The following SPG11 variants were observed in gnomAD, a reference collection of about 807,000 sequenced individuals.
SPG11 encodes spatacsin.
In SPG11, 222 loss-of-function variants were observed where a neutral mutation model predicts 274.0. The ratio of observed to expected loss-of-function variants is 0.81; its 90% CI spans 0.73 to 0.91. SPG11 has a LOEUF of 0.91. Among genes scored for constraint, SPG11 ranks in the 40% least tolerant of loss-of-function variants. SPG11 has a pLI of 0.00. For synonymous variants in SPG11, 1,144 were observed against 1,039.7 expected (o/e 1.10, Z -1.93); for missense variants, 3,114 against 2,872.7 (o/e 1.08, Z -1.92).
intron 6 of SPG11, 42 bp downstream of exon 6, chr15:44,651,449 C>T (rs1034095343): frequency 2.6e-6 from 4 of 1,550,714 alleles, no homozygotes; most frequent in Non-Finnish European, 2.7e-6. Context: ...GGAAAGCATA[C>T]ATCTCAGCAA....
At position 44,585,534 on chromosome 15, in the gene SPG11, G is replaced by A. The variant is rs566618415; in HGVS notation, c.5121+102C>T. 9.4e-5 allele frequency: 88 copies of A among 933,996 alleles called. 2 individuals are homozygous for A. The Middle Eastern group carries it at 1.7e-3, about 18-fold the overall frequency. The allele number at this position is 933,996 out of a possible 1,614,324, so 57.9% of individuals were successfully genotyped here. ...GGAGAATTGCATGAACCCGAGAGGCGGAGCTTGCAGCGAGCGGAGATCGCG... is the reference window on the plus strand; with the variant it reads ...GGAGAATTGCATGAACCCGAGAGGCAGAGCTTGCAGCGAGCGGAGATCGCG... On this transcript the variant is annotated intron_variant, in intron 29 of 39. Transcript: ENST00000261866.
chr15:44,577,436 G>A (rs1473307394), intron 30 of SPG11, among the ~76,000 whole-genome samples: 2 of 147,088 alleles, frequency 1.4e-5, no homozygotes, highest in African/African-American at 2.5e-5. Flanking sequence ...CCTGGAGGTT[G>A]AGTCTGCAGT....
At chr15:44,577,840 G>C (rs1318886317) in intron 30 of SPG11, among the ~76,000 whole-genome samples, 3 of 152,088 alleles carry the variant, frequency 2.0e-5, no homozygotes, top group Non-Finnish European at 1.5e-5. Context: ...GGTGAAGTGT[G>C]AGTGCGAGAG....
At chr15:44,577,252 C>T (rs919437395) in intron 30 of SPG11, among the ~76,000 whole-genome samples, 1 of 151,926 alleles carries the variant, frequency 6.6e-6, no homozygotes, top group African/African-American at 2.4e-5. Flanking sequence ...CCTGTAATCC[C>T]ATCATTTTGG....
intron 32 of SPG11, 30 bp downstream of exon 32, chr15:44,573,517 G>A: frequency 1.9e-6 from 3 of 1,611,458 alleles, no homozygotes; most frequent in South Asian, 2.2e-5. Context: ...TGCTGTCAGA[G>A]AGGTTGGGAA....
intron 32 of SPG11, 82 bp downstream of exon 32, chr15:44,573,465 A>G (rs753559291): frequency 1.4e-6 from 2 of 1,448,054 alleles, no homozygotes; most frequent in African/African-American, 2.8e-5. Flanking sequence ...CAGGATGTAT[A>G]TAAGCACAAC....
chr15:44,659,607 A>G (rs548139996), intron 2 of SPG11, among the ~76,000 whole-genome samples: 1 of 152,278 alleles, frequency 6.6e-6, no homozygotes, highest in East Asian at 1.9e-4. Flanking sequence ...TCTTTTTTTA[A>G]AAGAAAAAAA....
chr15:44,646,883 T>C (rs539758483), intron 7 of SPG11, among the ~76,000 whole-genome samples: 44 of 152,232 alleles, frequency 2.9e-4, no homozygotes, highest in African/African-American at 1.0e-3. Flanking sequence ...ACTATGCTTA[T>C]TACCTGAGTG....
Position 44,563,127 on chromosome 15 carries a change from T to C in SPG11, c.7326A>G (p.Ala2442=). 7 of 1,614,000 alleles carry C rather than the reference T, an allele frequency of 4.3e-6. No homozygotes were observed. The highest frequency in any genetic ancestry group is 5.9e-6 in the Non-Finnish European group (7 of 1,179,944). ...QTGCCLKDML[A]G ...CAGACACCTATGAAATCATCTAACCTGCTAGCATGTCCTTTAGACAGCAAC... is the reference window on the plus strand; with the variant it reads ...CAGACACCTATGAAATCATCTAACCCGCTAGCATGTCCTTTAGACAGCAAC... The change falls in exon 40 of 40, where the codon GCA becomes GCG. Residue 2442 remains alanine (A), a synonymous_variant. Transcript: ENST00000261866.
intron 30 of SPG11, among the ~76,000 whole-genome samples, chr15:44,581,034 A>G (rs2082648974): frequency 6.6e-6 from 1 of 152,100 alleles, no homozygotes; most frequent in Non-Finnish European, 1.5e-5. Flanking sequence ...GTCACAATAT[A>G]ATCAAACTGC....
At position 44,569,481 on chromosome 15, in the gene SPG11, T is replaced by C. The variant is rs371301157; in HGVS notation, c.6502A>G (p.Arg2168Gly). The C allele has an allele frequency of 2.7e-5, 43 of 1,598,272 alleles. No individual in the cohort carries two copies. Among genetic ancestry groups the C allele is most frequent in the Non-Finnish European group, 3.4e-5 (40 of 1,171,694 alleles). ...LVVRLLTGIG[R>G]YNEMTYIFDL... ...AATATGTATGTCATCTCGTTGTACC[T>C]TCCAATGCCAGTGAGGAGCCGTACC... Residue 2168 changes from arginine to glycine, a missense_variant, in exon 35 of 40, where the codon AGG (arginine) becomes GGG (glycine). Coordinates refer to ENST00000261866, the MANE Select transcript of SPG11 (RefSeq NM_025137.4).
Position 44,592,392 on chromosome 15 carries a change from A to T in SPG11, c.4682T>A (p.Phe1561Tyr). ...LVMEMYELCMFFRNYKEAEAK... is the reference protein window; with the variant it reads ...LVMEMYELCMYFRNYKEAEAK... ...TTCAGCTTCTTTATAATTCCTGAAGAACATACACAGTTCATACATCTCCAT... is the reference window on the plus strand; with the variant it reads ...TTCAGCTTCTTTATAATTCCTGAAGTACATACACAGTTCATACATCTCCAT... Residue 1561 changes from phenylalanine (F) to tyrosine (Y), a missense_variant, in exon 27 of 40, where the codon TTC becomes TAC. By Grantham distance (22) the Phe-to-Tyr change is conservative (BLOSUM62 3). Transcript: ENST00000261866. The T allele has an allele frequency of 6.2e-7, 1 of 1,612,690 alleles. No homozygotes were observed.
At chr15:44,573,200 T>C (rs1162391830) in intron 32 of SPG11, among the ~76,000 whole-genome samples, 2 of 151,884 alleles carry the variant, frequency 1.3e-5, no homozygotes, top group African/African-American at 4.8e-5. Context: ...TTAGCCAGGA[T>C]GGTCTCTATC....
intron 19 of SPG11, among the ~76,000 whole-genome samples, chr15:44,607,568 TC>T (rs1305906708): frequency 6.6e-6 from 1 of 152,126 alleles, no homozygotes; most frequent in African/African-American, 2.4e-5. Context: ...TGCACCCGGC[TC>T]CTTTATAGAA....
At chr15:44,618,470 T>G (rs1366943205) in intron 15 of SPG11, among the ~76,000 whole-genome samples, 3 of 121,520 alleles carry the variant, frequency 2.5e-5, no homozygotes, top group African/African-American at 9.9e-5. Flanking sequence ...TGAGCAGAGA[T>G]AGCGCCACTG....
At chr15:44,638,371 A>G (rs2084338907) in intron 7 of SPG11, among the ~76,000 whole-genome samples, 1 of 152,092 alleles carries the variant, frequency 6.6e-6, no homozygotes, top group African/African-American at 2.4e-5. Context: ...GGGGCACAAG[A>G]ATCGCTTGAA....
At chr15:44,637,650 A>G (rs2084317774) in intron 7 of SPG11, among the ~76,000 whole-genome samples, 1 of 152,176 alleles carries the variant, frequency 6.6e-6, no homozygotes, top group Non-Finnish European at 1.5e-5. Context: ...TGGAACTTTT[A>G]TTAAAACTGA....
chr15:44,622,678 C>T (rs1162491321), intron 12 of SPG11, 50 bp downstream of exon 12: 1 of 1,448,504 alleles, frequency 6.9e-7, no homozygotes, highest in South Asian at 1.2e-5. Context: ...CCAAGTTTTT[C>T]ACCCAGGCTT....
At chr15:44,646,344 T>C (rs60238894) in intron 7 of SPG11, among the ~76,000 whole-genome samples, 12,805 of 152,222 alleles carry the variant, frequency 0.084, 1,349 homozygotes, top group African/African-American at 0.23. Flanking sequence ...CAGTTCTGCA[T>C]GGCTGGGAGG....
Sources: allele counts gnomAD v4.1 joint callset (sites outside exome capture counted in the v4.1 genomes callset), GRCh38; gene constraint gnomAD v4.1.1; transcripts MANE v1.5; gene names NCBI Gene and HGNC (gene_info 2026-07-23, HGNC 2026-07-21).